The following FARS2 variants were observed in gnomAD, a reference collection of about 807,000 sequenced individuals.
The protein encoded by FARS2 is phenylalanyl-tRNA synthetase 2, mitochondrial.
In FARS2, 40 loss-of-function variants were observed where a neutral mutation model predicts 46.4. The ratio of observed to expected loss-of-function variants is 0.86; its 90% confidence interval spans 0.67 to 1.12. FARS2 has a LOEUF of 1.12. FARS2 is among the 50% of genes most tolerant of loss of function. The probability of loss-of-function intolerance (pLI) is 0.00; values close to 1 mark genes in which losing one functional copy is unlikely to be tolerated. For missense variants in FARS2, 513 were observed against 567.9 expected (o/e 0.90, Z 0.98); for synonymous variants, 234 against 214.9 (o/e 1.09, Z -0.78).
rs537605288 is a variant in FARS2, at chr6:5,370,835, T to C, written c.612+1653T>C. Among the ~76,000 whole-genome samples the C allele has an allele frequency of 7.9e-5, 12 of 152,342 alleles. No homozygotes were observed. The South Asian group carries it at 2.5e-3, about 32-fold the overall frequency. On this transcript the variant is annotated intron_variant, in intron 2 of 6. Coordinates refer to ENST00000274680, the MANE Select transcript of FARS2 (RefSeq NM_006567.5). Reference sequence around the variant, plus strand: ...ACAAATTACTAATCTAAACTGATGATGCTACTATATATTCTGCGTATAGTT... The same window carrying C: ...ACAAATTACTAATCTAAACTGATGACGCTACTATATATTCTGCGTATAGTT...
At chr6:5,745,208 C>A (rs1213796671) in intron 6 of FARS2, among the ~76,000 whole-genome samples, 1 of 152,240 alleles carries the variant, frequency 6.6e-6, no homozygotes, top group African/African-American at 2.4e-5. Flanking sequence ...GGGAAAATGG[C>A]CCCTAAAGTG....
At chr6:5,720,616 A>G (rs1370226153) in intron 6 of FARS2, among the ~76,000 whole-genome samples, 1 of 152,234 alleles carries the variant, frequency 6.6e-6, no homozygotes, top group Non-Finnish European at 1.5e-5. Context: ...ATAAGTCTCA[A>G]GATTATTAAA....
At chr6:5,529,739 C>T (rs898370601) in intron 4 of FARS2, among the ~76,000 whole-genome samples, 2 of 152,200 alleles carry the variant, frequency 1.3e-5, no homozygotes, top group African/African-American at 4.8e-5. Context: ...CTTTCTCTGC[C>T]TCTTGAATCT....
At chr6:5,464,517 T>G (rs549097673) in intron 4 of FARS2, among the ~76,000 whole-genome samples, 1 of 152,346 alleles carries the variant, frequency 6.6e-6, no homozygotes, top group Admixed American at 6.5e-5. Flanking sequence ...ATAAGATTGC[T>G]TTGTCACTTT....
chr6:5,399,914 A>G (rs143922298), intron 2 of FARS2, among the ~76,000 whole-genome samples: 1 of 152,298 alleles, frequency 6.6e-6, no homozygotes, highest in Non-Finnish European at 1.5e-5. Flanking sequence ...GCAGTTACAA[A>G]CAATACTACA....
chr6:5,285,251 G>A (rs115789500), intron 1 of FARS2, among the ~76,000 whole-genome samples: 1,590 of 152,252 alleles, frequency 0.01, 32 homozygotes, highest in African/African-American at 0.036. Flanking sequence ...GAGGCCAAAG[G>A]GAGCAGTGTC....
intron 6 of FARS2, among the ~76,000 whole-genome samples, chr6:5,725,453 G>T (rs1292406062): frequency 1.3e-5 from 2 of 152,218 alleles, no homozygotes; most frequent in Non-Finnish European, 2.9e-5. Flanking sequence ...TCCAAGCATG[G>T]CCTCTGCAGC....
intron 6 of FARS2, among the ~76,000 whole-genome samples, chr6:5,739,192 G>C (rs1355622131): frequency 2.0e-5 from 3 of 152,100 alleles, no homozygotes; most frequent in Admixed American, 2.0e-4. Context: ...GTTGTTGCAT[G>C]TATCAAAAAA....
At chr6:5,738,909 A>G in intron 6 of FARS2, among the ~76,000 whole-genome samples, 1 of 152,142 alleles carries the variant, frequency 6.6e-6, no homozygotes, top group Non-Finnish European at 1.5e-5. Flanking sequence ...TTATATTCAT[A>G]ATATTTAACA....
intron 6 of FARS2, among the ~76,000 whole-genome samples, chr6:5,736,754 C>T (rs1683192202): frequency 6.6e-6 from 1 of 151,932 alleles, no homozygotes; most frequent in African/African-American, 2.4e-5. Flanking sequence ...AGCATGAATT[C>T]AACTCTTGCA....
intron 6 of FARS2, among the ~76,000 whole-genome samples, chr6:5,670,872 T>C (rs1778420784): frequency 6.6e-6 from 1 of 152,220 alleles, no homozygotes; most frequent in Non-Finnish European, 1.5e-5. Context: ...TTCATAATTA[T>C]TACGAATTCT....
At chr6:5,302,934 G>T (rs376469991) in intron 1 of FARS2, among the ~76,000 whole-genome samples, 21 of 152,204 alleles carry the variant, frequency 1.4e-4, no homozygotes, top group Non-Finnish European at 1.2e-4. Flanking sequence ...CAGGGTGCCA[G>T]CTGCTGAGGA....
At chr6:5,388,564 T>C (rs990124287) in intron 2 of FARS2, among the ~76,000 whole-genome samples, 3 of 152,308 alleles carry the variant, frequency 2.0e-5, no homozygotes, top group Admixed American at 6.5e-5. Flanking sequence ...TAAAAAAGCC[T>C]GTTCTTTTCT....
At chr6:5,280,881 G>A (rs147477894) in intron 1 of FARS2, among the ~76,000 whole-genome samples, 62 of 152,226 alleles carry the variant, frequency 4.1e-4, no homozygotes, top group African/African-American at 7.9e-4. Flanking sequence ...GTATGTAGGG[G>A]TAGAAGATCT....
intron 4 of FARS2, among the ~76,000 whole-genome samples, chr6:5,473,820 A>G (rs1219920851): frequency 2.6e-5 from 4 of 152,216 alleles, no homozygotes; most frequent in Non-Finnish European, 5.9e-5. Context: ...GTCTTTCAAT[A>G]TAGTAGAAAA....
At chr6:5,704,514 A>G (rs1758624128) in intron 6 of FARS2, among the ~76,000 whole-genome samples, 1 of 152,212 alleles carries the variant, frequency 6.6e-6, no homozygotes, top group South Asian at 2.1e-4. Flanking sequence ...ACATTTAAGT[A>G]AAAGAGTATA....
intron 6 of FARS2, among the ~76,000 whole-genome samples, chr6:5,679,361 T>C (rs553874820): frequency 2.6e-5 from 4 of 152,180 alleles, no homozygotes; most frequent in Non-Finnish European, 5.9e-5. Flanking sequence ...AGCCTCCTTC[T>C]ACCCTTCCCT....
At chr6:5,344,872 C>T (rs1004570264) in intron 1 of FARS2, among the ~76,000 whole-genome samples, 6 of 151,774 alleles carry the variant, frequency 4.0e-5, no homozygotes, top group Non-Finnish European at 8.8e-5. Flanking sequence ...TCACTGCAGC[C>T]TCCACCTCCT....
chr6:5,361,475 A>G (rs534071781), intron 1 of FARS2, among the ~76,000 whole-genome samples: 1 of 152,324 alleles, frequency 6.6e-6, no homozygotes, highest in South Asian at 2.1e-4. Context: ...AAGTCTCTTG[A>G]TAGTGCTGAA....
Sources: gnomAD v4.1 joint callset for allele counts (sites outside exome capture counted in the v4.1 genomes callset) on GRCh38, gnomAD v4.1.1 for gene constraint, MANE v1.5 for transcripts, NCBI Gene and HGNC (gene_info 2026-07-23, HGNC 2026-07-21) for gene names.